Variants in WDR48 observed in about 807,000 individuals in gnomAD.
The protein encoded by WDR48 is WD repeat-containing protein 48.
A neutral mutation model predicts 94.0 loss-of-function variants in WDR48; 22 were observed. That is an observed-to-expected ratio of 0.23 (90% CI 0.17 to 0.33). WDR48 has a LOEUF of 0.33. WDR48 is among the 10% of genes least tolerant of loss of function. The pLI, the probability that WDR48 is intolerant of heterozygous loss-of-function variation, is 1.00. For synonymous variants in WDR48, 278 were observed against 280.5 expected, an observed-to-expected ratio of 0.99 and a Z score of 0.09; for missense variants, 541 against 813.8, an observed-to-expected ratio of 0.66 and a Z score of 4.08.
intron 5 of WDR48, among the ~76,000 whole-genome samples, chr3:39,067,152 G>A (rs1483102285): frequency 6.6e-6 from 1 of 152,110 alleles, no homozygotes; most frequent in Non-Finnish European, 1.5e-5. Context: ...GTCCCTGCAG[G>A]GTAGAGGAGA....
intron 7 of WDR48, among the ~76,000 whole-genome samples, chr3:39,071,940 A>G (rs2033957301): frequency 6.6e-6 from 1 of 152,240 alleles, no homozygotes; most frequent in Non-Finnish European, 1.5e-5. Context: ...GAAAAAAGAA[A>G]CTTCTACTTA....
intron 8 of WDR48, among the ~76,000 whole-genome samples, chr3:39,076,182 C>T (rs1043863047): frequency 2.0e-5 from 3 of 152,166 alleles, no homozygotes; most frequent in Admixed American, 6.5e-5. Flanking sequence ...TCAAATGCGA[C>T]GGTTGGGAGG....
At chr3:39,056,150 T>C (rs1257034200) in intron 1 of WDR48, among the ~76,000 whole-genome samples, 2 of 152,238 alleles carry the variant, frequency 1.3e-5, no homozygotes, top group Non-Finnish European at 1.5e-5. Context: ...ATAGAATGGA[T>C]GTACCATAAT....
intron 2 of WDR48, among the ~76,000 whole-genome samples, chr3:39,064,628 G>A (rs953914883): frequency 6.6e-6 from 1 of 152,150 alleles, no homozygotes; most frequent in African/African-American, 2.4e-5. Flanking sequence ...TGGTTATGTG[G>A]CTAGGAAGTG....
chr3:39,055,932 G>A (rs749518660), intron 1 of WDR48, among the ~76,000 whole-genome samples: 6 of 152,178 alleles, frequency 3.9e-5, no homozygotes, highest in South Asian at 4.1e-4. Flanking sequence ...GCTCACTACC[G>A]TATCCTCAGC....
At chr3:39,052,165 G>T (rs2032442953) in intron 1 of WDR48, 92 bp downstream of exon 1, 14 of 1,532,216 alleles carry the variant, frequency 9.1e-6, no homozygotes, top group Non-Finnish European at 1.3e-5. Context: ...GACCAGCTGG[G>T]GTAGCGGCAT....
Position 39,068,835 on chromosome 3 carries a change from C to A in WDR48, c.546C>A (p.Ile182=), listed in dbSNP as rs779172426. ...YSLAMNQLGT[I]IVSGSTEKVL... ...TGGCCATGAATCAACTGGGAACAAT[C>A]ATTGTATCAGGGTCCACTGAAAAGG... is the stretch of plus-strand genomic sequence containing the variant. Residue 182 remains isoleucine, a synonymous_variant, in exon 6 of 19, where the codon ATC becomes ATA. Coordinates refer to ENST00000302313, the MANE Select transcript of WDR48 (RefSeq NM_020839.4). 1 of 1,602,212 alleles carries A rather than the reference C, an allele frequency of 6.2e-7. No homozygotes were observed. The highest frequency in any genetic ancestry group is 1.1e-5 in the South Asian group (1 of 89,392).
chr3:39,090,183 A>G (rs1263825208), intron 16 of WDR48: 2 of 152,232 alleles, frequency 1.3e-5, no homozygotes, highest in African/African-American at 4.8e-5. Context: ...ATAGGCAAAT[A>G]GTATCTCATT....
chr3:39,068,728 G>A (rs776031712), intron 5 of WDR48, 43 bp from the exon 6 acceptor site: 3 of 1,482,964 alleles, frequency 2.0e-6, no homozygotes, highest in East Asian at 2.3e-5. Flanking sequence ...TTACTAAACA[G>A]CTGATGATCT....
intron 1 of WDR48, among the ~76,000 whole-genome samples, chr3:39,058,196 C>G (rs1377508013): frequency 6.6e-6 from 1 of 152,052 alleles, no homozygotes; most frequent in Non-Finnish European, 1.5e-5. Context: ...CTCCTGGGCT[C>G]AAGCAGTCTT....
chr3:39,069,663 A>G lies in WDR48; in HGVS notation c.591A>G (p.Pro197=). Residue 197 remains proline (P), a synonymous_variant, in exon 7 of 19, where the codon CCA becomes CCG. Transcript: ENST00000302313. ...STEKVLRVWD[P]RTCAKLMKLK... is the part of the protein sequence containing the mutation. ...CACAGGTGTTACGGGTATGGGATCC[A>G]AGAACATGTGCAAAACTAATGAAGC... 6.2e-7 allele frequency: 1 copy of G among 1,613,318 alleles called. No individual in the cohort carries two copies. Among genetic ancestry groups the G allele is most frequent in the Non-Finnish European group, 8.5e-7 (1 of 1,179,430 alleles).
intron 17 of WDR48, among the ~76,000 whole-genome samples, chr3:39,092,703 CAAATA>C (rs1438581999): frequency 1.3e-5 from 2 of 151,908 alleles, no homozygotes; most frequent in African/African-American, 4.8e-5. Flanking sequence ...TGTATTCTAG[CAAATA>C]AAATAAAAAA....
At chr3:39,094,232 T>G in intron 18 of WDR48, 166 bp downstream of exon 18, 8 of 1,442,904 alleles carry the variant, frequency 5.5e-6, no homozygotes, top group Non-Finnish European at 7.3e-6. Flanking sequence ...CTGGGGAGAT[T>G]TTCAGAGAAG....
chr3:39,074,604 GCAGAAACACAGGTT>G, intron 7 of WDR48, 108 bp from the exon 8 acceptor site: 1 of 972,748 alleles, frequency 1.0e-6, no homozygotes, highest in Non-Finnish European at 1.5e-6. Flanking sequence ...TTTATCAGAG[GCAGAAACACAGGTT>G]AATAGAGTCG....
intron 1 of WDR48, among the ~76,000 whole-genome samples, chr3:39,058,683 A>G (rs2033057460): frequency 6.6e-6 from 1 of 152,224 alleles, no homozygotes; most frequent in Non-Finnish European, 1.5e-5. Context: ...TGTCTTTTAT[A>G]TGCCAGACAC....
intron 1 of WDR48, among the ~76,000 whole-genome samples, chr3:39,054,818 A>AAGAG (rs140716521): frequency 6.6e-6 from 1 of 152,052 alleles, no homozygotes; most frequent in African/African-American, 2.4e-5. Flanking sequence ...GGAGGCCTCA[A>AAGAG]AGAGAGAGAG....
At chr3:39,091,581 A>G (rs746457315) in intron 16 of WDR48, 44 bp from the exon 17 acceptor site, 9 of 1,380,050 alleles carry the variant, frequency 6.5e-6, no homozygotes, top group Non-Finnish European at 8.9e-6. Context: ...TTCATTTATC[A>G]ACTAATAGAA....
At chr3:39,084,392 T>C in intron 12 of WDR48, 130 bp downstream of exon 12, 1 of 639,674 alleles carries the variant, frequency 1.6e-6, no homozygotes, top group Non-Finnish European at 2.3e-6. Flanking sequence ...AAACTTAAAA[T>C]GCAAAATGGA....
intron 10 of WDR48, among the ~76,000 whole-genome samples, chr3:39,079,191 A>G (rs2034396251): frequency 6.6e-6 from 1 of 151,110 alleles, no homozygotes; most frequent in South Asian, 2.1e-4. Flanking sequence ...AAGGACAGAT[A>G]TGATCCTCAA....
Sources: allele counts gnomAD v4.1 joint callset (sites outside exome capture counted in the v4.1 genomes callset), GRCh38; gene constraint gnomAD v4.1.1; transcripts MANE v1.5; gene names NCBI Gene and HGNC (gene_info 2026-07-23, HGNC 2026-07-21).